The following DIP2C variants were observed in gnomAD, a reference collection of about 807,000 sequenced individuals.
The protein encoded by DIP2C is disco-interacting protein 2 homolog C.
Under a neutral mutation model 192.4 loss-of-function variants are expected in DIP2C, and 33 were observed. The ratio of observed to expected loss-of-function variants is 0.17; its 90% CI spans 0.13 to 0.23. DIP2C has a LOEUF of 0.23. Ranked by LOEUF, DIP2C falls within the 10% of genes least tolerant of loss-of-function variation. The probability of loss-of-function intolerance (pLI) is 1.00; values close to 1 mark genes in which losing one functional copy is unlikely to be tolerated. For missense variants in DIP2C, 1,537 were observed against 2,110.1 expected, an observed-to-expected ratio of 0.73 and a Z score of 5.32; for synonymous variants, 979 against 864.1, an observed-to-expected ratio of 1.13 and a Z score of -2.33.
chr10:522,650 G>C (rs1356683112), intron 1 of DIP2C, among the ~76,000 whole-genome samples: 1 of 152,256 alleles, frequency 6.6e-6, no homozygotes, highest in African/African-American at 2.4e-5. Flanking sequence ...CTTTCCACAT[G>C]TGGATTTGCC....
At chr10:662,853 C>T (rs986902894) in intron 1 of DIP2C, 1 of 717,382 alleles carries the variant, frequency 1.4e-6, no homozygotes, top group Non-Finnish European at 2.6e-6. Flanking sequence ...ACACCCACAG[C>T]CAGCAGAACC....
intron 4 of DIP2C, among the ~76,000 whole-genome samples, chr10:430,914 T>G (rs1265675577): frequency 6.6e-6 from 1 of 152,182 alleles, no homozygotes; most frequent in Non-Finnish European, 1.5e-5. Flanking sequence ...TGTGACTAGG[T>G]TTGGTGTTTT....
rs1408533796 is a variant in DIP2C at position 569,697 on chromosome 10, C to T, written c.86-83167G>A. 9.2e-5 allele frequency among the ~76,000 whole-genome samples: 14 copies of T among 152,250 alleles called. No homozygotes were observed. The South Asian group carries it at 1.7e-3, about 18-fold the overall frequency. Reference sequence around the variant, plus strand: ...CAAAATAAAATGGAGAGACTTCTTACTGCAGGGTAATAATCAGCCATCGTC... The same window carrying T: ...CAAAATAAAATGGAGAGACTTCTTATTGCAGGGTAATAATCAGCCATCGTC... On this transcript the variant is annotated intron_variant, in intron 1 of 36. Transcript: ENST00000280886.
intron 1 of DIP2C, among the ~76,000 whole-genome samples, chr10:586,119 T>TC (rs1172901617): frequency 6.6e-6 from 1 of 152,078 alleles, no homozygotes; most frequent in Non-Finnish European, 1.5e-5. Context: ...ACACCACACT[T>TC]CCCTCAACCA....
At chr10:335,971 T>C (rs1957749361) in intron 29 of DIP2C, among the ~76,000 whole-genome samples, 1 of 152,144 alleles carries the variant, frequency 6.6e-6, no homozygotes. Flanking sequence ...TGATCTCAGC[T>C]TACTGCAACC....
intron 9 of DIP2C, among the ~76,000 whole-genome samples, chr10:407,446 C>A (rs755036992): frequency 9.2e-5 from 14 of 152,278 alleles, no homozygotes; most frequent in Admixed American, 2.0e-4. Flanking sequence ...TGGGTACACA[C>A]CCCGAAGCAG....
chr10:388,213 G>A (rs1963144798), intron 13 of DIP2C, among the ~76,000 whole-genome samples: 1 of 152,150 alleles, frequency 6.6e-6, no homozygotes, highest in Non-Finnish European at 1.5e-5. Context: ...CAACACAGGG[G>A]CCTACACAGC....
At chr10:448,198 G>A (rs372306678) in intron 3 of DIP2C, among the ~76,000 whole-genome samples, 4 of 129,316 alleles carry the variant, frequency 3.1e-5, no homozygotes, top group Admixed American at 1.4e-4. Flanking sequence ...CACACAGTGC[G>A]GCAGCAGGAC....
intron 1 of DIP2C, among the ~76,000 whole-genome samples, chr10:603,329 A>AAAAAC (rs1852228535): frequency 2.4e-5 from 3 of 125,930 alleles, no homozygotes; most frequent in Non-Finnish European, 4.9e-5. Flanking sequence ...AAAAAAAAAA[A>AAAAAC]AAAACCAACC....
chr10:441,173 C>A, intron 3 of DIP2C, 177 bp from the exon 4 acceptor site: 1 of 681,722 alleles, frequency 1.5e-6, no homozygotes, highest in Non-Finnish European at 2.3e-6. Context: ...AAAATTCATT[C>A]ACAGACTTTT....
intron 3 of DIP2C, among the ~76,000 whole-genome samples, chr10:442,219 T>A (rs1437166681): frequency 6.6e-6 from 1 of 151,898 alleles, no homozygotes; most frequent in Non-Finnish European, 1.5e-5. Context: ...GTGAGAATGA[T>A]CCCACTGAAA....
At chr10:609,538 C>A (rs182963446) in intron 1 of DIP2C, among the ~76,000 whole-genome samples, 5 of 152,116 alleles carry the variant, frequency 3.3e-5, no homozygotes, top group African/African-American at 1.2e-4. Context: ...ATAATTAACT[C>A]AATTAAAAAA....
At position 636,740 on chromosome 10, in the gene DIP2C, A is replaced by G. The variant is rs977317937; in HGVS notation, c.85+52754T>C. ...ATGACTTTTCGAGAGTCTGGGGCCAACGTCCTGCAGAACGTCCCCCAGATG... is the reference window on the plus strand; with the variant it reads ...ATGACTTTTCGAGAGTCTGGGGCCAGCGTCCTGCAGAACGTCCCCCAGATG... On this transcript the variant is annotated intron_variant, in intron 1 of 36. Transcript: ENST00000280886. The surrounding 1 kb of genome is among the most constrained non-coding windows in gnomAD (Gnocchi z 4.6). 6.6e-6 allele frequency among the ~76,000 whole-genome samples: 1 copy of G among 152,200 alleles called. No individual in the cohort carries two copies. Among genetic ancestry groups the G allele is most frequent in the African/African-American group, 2.4e-5 (1 of 41,448 alleles).
intron 1 of DIP2C, chr10:662,206 C>A: frequency 1.5e-6 from 1 of 686,342 alleles, no homozygotes. Flanking sequence ...AGAGTACAGG[C>A]CTCACACCTG....
At chr10:660,532 T>C (rs965048121) in intron 1 of DIP2C, among the ~76,000 whole-genome samples, 9 of 152,238 alleles carry the variant, frequency 5.9e-5, no homozygotes, top group African/African-American at 2.2e-4. Context: ...CTAGCTCTTG[T>C]CCCTGTTTCA....
At chr10:533,141 GTATC>G (rs924428668) in intron 1 of DIP2C, among the ~76,000 whole-genome samples, 1 of 152,160 alleles carries the variant, frequency 6.6e-6, no homozygotes, top group African/African-American at 2.4e-5. Context: ...TTCAAGGTCA[GTATC>G]TAAGAAAGTG....
intron 9 of DIP2C, among the ~76,000 whole-genome samples, chr10:400,351 G>A (rs146886259): frequency 8.1e-4 from 123 of 152,336 alleles, no homozygotes; most frequent in Admixed American, 1.3e-3. Context: ...GTCCTTAACA[G>A]TATGGTGTAT....
At chr10:579,977 TAC>T (rs1048096974) in intron 1 of DIP2C, among the ~76,000 whole-genome samples, 6 of 151,690 alleles carry the variant, frequency 4.0e-5, no homozygotes, top group Admixed American at 2.6e-4. Flanking sequence ...ATAGCCAATG[TAC>T]ATATACAGGT....
chr10:657,683 T>C (rs1235715416), intron 1 of DIP2C, among the ~76,000 whole-genome samples: 551 of 28,922 alleles, frequency 0.019, 6 homozygotes, highest in Admixed American at 0.03. Flanking sequence ...CTGGACCTGA[T>C]GCTGGACCTG....
Sources: allele counts gnomAD v4.1 joint callset (sites outside exome capture counted in the v4.1 genomes callset), GRCh38; gene constraint gnomAD v4.1.1; non-coding constraint Gnocchi (gnomAD v3.1); transcripts MANE v1.5; gene names NCBI Gene and HGNC (gene_info 2026-07-23, HGNC 2026-07-21).